The following MRPL52 variants were observed in gnomAD, a reference collection of about 807,000 sequenced individuals.
MRPL52 encodes large ribosomal subunit protein mL52.
A neutral mutation model predicts 22.1 loss-of-function variants in MRPL52; 19 were observed. The observed-to-expected ratio is 0.86, with a 90% CI of 0.60 to 1.26. MRPL52 has a LOEUF of 1.26. MRPL52 is among the 50% of genes most tolerant of loss of function. The probability of loss-of-function intolerance (pLI) is 0.00; values close to 1 mark genes in which losing one functional copy is unlikely to be tolerated. For missense variants in MRPL52, 152 were observed against 148.1 expected (o/e 1.03, Z -0.14); for synonymous variants, 50 against 57.5 (o/e 0.87, Z 0.59).
In MRPL52 at chr14:22,830,133, C is replaced by G. The variant is rs202093004; in HGVS notation, c.86+23C>G. The G allele has an allele frequency of 2.8e-4, 445 of 1,614,194 alleles. 2 individuals carry two copies. The East Asian group carries it at 9.2e-3, about 33-fold the overall frequency. ...ACAGTGAGTCCTGGGATGAGGGCAC[C>G]TGGGGGACCAGAAGCTGGGCTAGGT... On this transcript the variant is annotated intron_variant, in intron 2 of 4. Transcript: ENST00000397496.
At chr14:22,832,467 A>G (rs2039642874) in intron 3 of MRPL52, among the ~76,000 whole-genome samples, 2 of 151,842 alleles carry the variant, frequency 1.3e-5, no homozygotes, top group South Asian at 4.2e-4. Flanking sequence ...CAGCCTCCCT[A>G]GTAGTTGAGA....
intron 3 of MRPL52, chr14:22,831,319 T>C: frequency 3.2e-6 from 1 of 312,846 alleles, no homozygotes; most frequent in South Asian, 4.0e-5. Context: ...GCTCTTGCTA[T>C]GTTGCCCAAG....
In MRPL52 at chr14:22,830,086, G is replaced by A; in HGVS notation, c.62G>A (p.Trp21Ter). The A allele has an allele frequency of 6.2e-7, 1 of 1,613,976 alleles. No homozygotes were observed. The highest frequency in any genetic ancestry group is 8.5e-7 in the Non-Finnish European group (1 of 1,179,808). ...AGGCTGCACTGCAGCGTAGCCGCTT[G>A]GGCGGGCGGCCAGTGGCGACTACAG... ...VRRLHCSVAA[W>*]AGGQWRLQQG... The change falls in exon 2 of 5, where the codon TGG becomes TAG. Residue 21 changes from tryptophan (W) to a stop codon, truncating the protein, a stop_gained. Transcript: ENST00000397496. LOFTEE classifies it high-confidence loss of function.
At chr14:22,830,636 G>T in intron 3 of MRPL52, 1 of 379,792 alleles carries the variant, frequency 2.6e-6, no homozygotes. Context: ...TCTTTGAAAA[G>T]CTGCAGAAAT....
At chr14:22,830,512 AG>A in intron 3 of MRPL52, 1 of 518,638 alleles carries the variant, frequency 1.9e-6, no homozygotes, top group Non-Finnish European at 3.4e-6. Flanking sequence ...CCAGGGTGGA[AG>A]GGGGTGACAA....
At chr14:22,830,760 G>C in intron 3 of MRPL52, 1 of 507,122 alleles carries the variant, frequency 2.0e-6, no homozygotes, top group South Asian at 3.0e-5. Flanking sequence ...ATTAGCCCTA[G>C]AAGGGAGAAC....
intron 3 of MRPL52, 97 bp downstream of exon 3, chr14:22,830,351 TA>T (rs1595001186): frequency 8.0e-7 from 1 of 1,247,932 alleles, no homozygotes; most frequent in Non-Finnish European, 1.2e-6. Flanking sequence ...TGGGGGCGTG[TA>T]AAAGTGTTTA....
intron 4 of MRPL52, 89 bp from the exon 5 acceptor site, chr14:22,834,083 A>G: frequency 6.9e-7 from 1 of 1,453,964 alleles, no homozygotes; most frequent in Non-Finnish European, 9.3e-7. Flanking sequence ...CATTTTCCAG[A>G]TGAAACCTCT....
At chr14:22,833,247 T>C in intron 3 of MRPL52, 171 bp from the exon 4 acceptor site, 1 of 593,484 alleles carries the variant, frequency 1.7e-6, no homozygotes, top group Non-Finnish European at 3.0e-6. Context: ...TGGGTTATCG[T>C]ACCTCACCCT....
chr14:22,830,371 T>G, intron 3 of MRPL52, 117 bp downstream of exon 3: 1 of 1,070,214 alleles, frequency 9.3e-7, no homozygotes. Flanking sequence ...TAACTTTTTA[T>G]TTGGAAAACG....
chr14:22,834,113 T>G, intron 4 of MRPL52, 59 bp from the exon 5 acceptor site: 3 of 1,567,084 alleles, frequency 1.9e-6, no homozygotes, highest in Non-Finnish European at 2.6e-6. Flanking sequence ...AGTGGAAGGA[T>G]ATATAGTATA....
At position 22,834,393 on chromosome 14, in the gene MRPL52, C is replaced by A; in HGVS notation, c.*72C>A. The A allele has an allele frequency of 6.7e-7, 1 of 1,482,830 alleles. No homozygotes were observed. 91.9% of individuals were successfully genotyped at this position (1,482,830 alleles called of 1,614,324 possible). ...TCTATCACCTAGATGCTTCATCCAG[C>A]CAGAAGATAGCCTTCACGTTCCCCA... On this transcript the variant is annotated 3_prime_UTR_variant, in exon 5 of 5. Coordinates refer to ENST00000397496, the MANE Select transcript of MRPL52 (RefSeq NM_180982.3).
At chr14:22,830,856 C>A in intron 3 of MRPL52, 3 of 721,842 alleles carry the variant, frequency 4.2e-6, no homozygotes, top group Non-Finnish European at 4.5e-6. Context: ...AAGTGAATTG[C>A]ACATGATCAT....
chr14:22,832,238 G>A (rs1595004929), intron 3 of MRPL52, among the ~76,000 whole-genome samples: 1 of 152,162 alleles, frequency 6.6e-6, no homozygotes, highest in African/African-American at 2.4e-5. Context: ...AGATTTGGCT[G>A]GAAGAAAAGG....
At position 22,830,035 on chromosome 14, in the gene MRPL52, G is replaced by A. The variant is rs781370890; in HGVS notation, c.29-18G>A. ...GCTGCGCGGCCTCTCCCCCAACTCTGCTCTGTTCTCCCAGCAGGTGTCCGG... is the reference window on the plus strand; with the variant it reads ...GCTGCGCGGCCTCTCCCCCAACTCTACTCTGTTCTCCCAGCAGGTGTCCGG... On this transcript the variant is annotated intron_variant, in intron 1 of 4. Coordinates refer to ENST00000397496, the MANE Select transcript of MRPL52 (RefSeq NM_180982.3). 4 of 1,613,904 alleles carry A rather than the reference G, an allele frequency of 2.5e-6. No individual in the cohort carries two copies. The highest frequency in any genetic ancestry group is 1.1e-5 in the South Asian group (1 of 91,078).
At position 22,829,945 on chromosome 14, in the gene MRPL52, G is replaced by C; in HGVS notation, c.28+5G>C. The C allele has an allele frequency of 1.2e-6, 2 of 1,609,950 alleles. No individual in the cohort carries two copies. Among genetic ancestry groups the C allele is most frequent in the Non-Finnish European group, 1.7e-6 (2 of 1,178,022 alleles). On this transcript the variant is annotated splice_donor_5th_base_variant and intron_variant, in intron 1 of 4. Coordinates refer to ENST00000397496, the MANE Select transcript of MRPL52 (RefSeq NM_180982.3). ...CTTTAGGGACTGTTCTCTTCAGTGA[G>C]TGGGTATAGATAGGGACCGTGGACT...
intron 3 of MRPL52, among the ~76,000 whole-genome samples, chr14:22,832,750 G>A (rs952439481): frequency 1.1e-4 from 16 of 152,046 alleles, no homozygotes; most frequent in African/African-American, 1.7e-4. Context: ...GTGGTGGTGC[G>A]CACCTGTAAT....
rs2039709213 is a variant in MRPL52 at position 22,835,028 on chromosome 14, A to T, written c.*707A>T. On this transcript the variant is annotated 3_prime_UTR_variant, in exon 5 of 5. Coordinates refer to ENST00000397496, the MANE Select transcript of MRPL52 (RefSeq NM_180982.3). Reference sequence around the variant, plus strand: ...CAGCTGGCATCTAATAAATGTTTTCATGAAAAAGATTTTCTAGCCAAGGTC... The same window carrying T: ...CAGCTGGCATCTAATAAATGTTTTCTTGAAAAAGATTTTCTAGCCAAGGTC... 1 of 152,204 alleles carries T rather than the reference A, an allele frequency of 6.6e-6. No homozygotes were observed. The allele number at this position is 152,204 out of a possible 1,614,324, so 9.4% of individuals were successfully genotyped here. A position where few individuals can be genotyped will look rare whatever the true frequency, so the allele number is the denominator to read the frequency against.
intron 3 of MRPL52, among the ~76,000 whole-genome samples, chr14:22,832,389 G>A (rs2039640788): frequency 6.6e-6 from 1 of 152,072 alleles, no homozygotes; most frequent in African/African-American, 2.4e-5. Flanking sequence ...CGCCCAGGCT[G>A]GAGTGCAGTG....
Sources: gnomAD v4.1 joint callset for allele counts (sites outside exome capture counted in the v4.1 genomes callset) on GRCh38, gnomAD v4.1.1 for gene constraint, MANE v1.5 for transcripts, NCBI Gene and HGNC (gene_info 2026-07-23, HGNC 2026-07-21) for gene names.